The following ITPR1 variants were observed in gnomAD, a reference collection of about 807,000 sequenced individuals.
The protein encoded by ITPR1 is inositol 1,4,5-trisphosphate-gated calcium channel ITPR1.
ITPR1 carries 96 observed loss-of-function variants against 318.4 expected under a neutral mutation model. The observed-to-expected ratio is 0.30, with a 90% CI of 0.26 to 0.36. The LOEUF (loss-of-function observed/expected upper bound fraction) is 0.36, where lower values mean the gene tolerates loss of function less well. Ranked by LOEUF, ITPR1 falls within the 10% of genes least tolerant of loss-of-function variation. ITPR1 has a pLI of 1.00. For synonymous variants in ITPR1, 1,312 were observed against 1,289.9 expected (o/e 1.02, Z -0.37); for missense variants, 2,440 against 3,460.2 (o/e 0.71, Z 7.40).
intron 20 of ITPR1, 145 bp from the exon 21 acceptor site, chr3:4,672,991 A>G: frequency 1.3e-6 from 1 of 796,614 alleles, no homozygotes; most frequent in Non-Finnish European, 1.9e-6. Context: ...AAATCCTGGT[A>G]TACAAGAGCA....
intron 3 of ITPR1, among the ~76,000 whole-genome samples, chr3:4,520,552 T>C (rs1303637316): frequency 1.3e-5 from 2 of 152,202 alleles, no homozygotes; most frequent in African/African-American, 2.4e-5. Flanking sequence ...CGCTTCTGGC[T>C]GTATTTTTTT....
chr3:4,607,615 A>C (rs2091792216), intron 4 of ITPR1, among the ~76,000 whole-genome samples: 1 of 152,062 alleles, frequency 6.6e-6, no homozygotes, highest in African/African-American at 2.4e-5. Flanking sequence ...TTTGGGGGCA[A>C]GGGTTTTTTC....
chr3:4,804,091 C>T (rs1313035323), intron 54 of ITPR1, among the ~76,000 whole-genome samples: 1 of 152,154 alleles, frequency 6.6e-6, no homozygotes, highest in East Asian at 1.9e-4. Context: ...AGGCTGGTCG[C>T]GAACTCCTGA....
chr3:4,502,476 C>G (rs1422577864), intron 2 of ITPR1, among the ~76,000 whole-genome samples: 1 of 150,596 alleles, frequency 6.6e-6, no homozygotes, highest in African/African-American at 2.5e-5. Context: ...GAATCTCGCT[C>G]TGTCACCAGG....
intron 4 of ITPR1, among the ~76,000 whole-genome samples, chr3:4,579,513 G>A (rs2089066224): frequency 6.6e-6 from 1 of 152,172 alleles, no homozygotes; most frequent in African/African-American, 2.4e-5. Context: ...TTTTCTACCT[G>A]CAGGTTAAAT....
At chr3:4,707,520 T>A (rs1457368372) in intron 37 of ITPR1, among the ~76,000 whole-genome samples, 1 of 152,220 alleles carries the variant, frequency 6.6e-6, no homozygotes, top group Non-Finnish European at 1.5e-5. Context: ...TGACCTAGTT[T>A]CAGAAGTCAC....
chr3:4,641,508 C>T (rs183750372), intron 6 of ITPR1, among the ~76,000 whole-genome samples: 1 of 152,262 alleles, frequency 6.6e-6, no homozygotes, highest in Admixed American at 6.5e-5. Flanking sequence ...TCCTGAGTAG[C>T]AGGGACTCCA....
rs1559719125 is a variant in ITPR1, at chr3:4,697,317, T to TGTGC, written c.4407+48_4407+49insCGTG. ...GGAGGCAGAGTTGGAGAGTGAGAGG[T>TGTGC]GTGTGTGTGTGTGTGTGTGTGTGTG... On this transcript the variant is annotated intron_variant, in intron 34 of 61. Coordinates refer to ENST00000649015, the MANE Select transcript of ITPR1 (RefSeq NM_001378452.1). 3.4e-6 allele frequency: 3 copies of TGTGC among 881,346 alleles called. No individual in the cohort carries two copies. The Admixed American group carries it at 9.2e-5, about 27-fold the overall frequency. 54.6% of individuals were successfully genotyped at this position (881,346 alleles called of 1,614,324 possible). A position where few individuals can be genotyped will look rare whatever the true frequency, so the allele number is the denominator to read the frequency against.
chr3:4,769,996 T>C (rs990284494), intron 46 of ITPR1, among the ~76,000 whole-genome samples: 2 of 152,212 alleles, frequency 1.3e-5, no homozygotes, highest in Admixed American at 6.5e-5. Flanking sequence ...ACCCCCTTTT[T>C]GCCTGAATGG....
chr3:4,656,365 G>C (rs1314805834), intron 12 of ITPR1, among the ~76,000 whole-genome samples: 1 of 152,216 alleles, frequency 6.6e-6, no homozygotes, highest in African/African-American at 2.4e-5. Context: ...GGCATGTGGA[G>C]TAATATGCCA....
intron 34 of ITPR1, among the ~76,000 whole-genome samples, chr3:4,698,118 C>T (rs1236083323): frequency 1.3e-5 from 2 of 151,968 alleles, no homozygotes; most frequent in East Asian, 3.9e-4. Context: ...AAGCATACCA[C>T]AGATTTAAAA....
chr3:4,834,224 C>T (rs1019252773), intron 60 of ITPR1, among the ~76,000 whole-genome samples: 2 of 152,160 alleles, frequency 1.3e-5, no homozygotes, highest in Non-Finnish European at 2.9e-5. Context: ...GGTCACTCTC[C>T]TTGACTAAAT....
At chr3:4,811,053 G>T (rs2048910955) in intron 55 of ITPR1, among the ~76,000 whole-genome samples, 1 of 152,142 alleles carries the variant, frequency 6.6e-6, no homozygotes, top group African/African-American at 2.4e-5. Flanking sequence ...AGTTGCTATT[G>T]TTTCCTGCTT....
chr3:4,678,964 A>G (rs1298366921), intron 24 of ITPR1, among the ~76,000 whole-genome samples: 1 of 152,190 alleles, frequency 6.6e-6, no homozygotes, highest in African/African-American at 2.4e-5. Context: ...AGCCTTTGAA[A>G]GTCTTCAAGC....
chr3:4,759,732 G>A (rs1437319430), intron 44 of ITPR1, among the ~76,000 whole-genome samples: 4 of 152,220 alleles, frequency 2.6e-5, no homozygotes, highest in African/African-American at 9.6e-5. Context: ...CCGGAGAGGA[G>A]CACGTTACCC....
intron 6 of ITPR1, among the ~76,000 whole-genome samples, chr3:4,639,994 T>C (rs1301701227): frequency 6.6e-6 from 1 of 152,216 alleles, no homozygotes; most frequent in African/African-American, 2.4e-5. Context: ...CCTTTGTGCC[T>C]TTAAATTTGC....
At chr3:4,538,447 G>C (rs1206688126) in intron 4 of ITPR1, among the ~76,000 whole-genome samples, 1 of 152,160 alleles carries the variant, frequency 6.6e-6, no homozygotes, top group Non-Finnish European at 1.5e-5. Context: ...CACTGTTGGT[G>C]GGAATGTAAA....
intron 10 of ITPR1, among the ~76,000 whole-genome samples, chr3:4,651,917 A>G (rs2093606499): frequency 6.6e-6 from 1 of 152,244 alleles, no homozygotes; most frequent in Non-Finnish European, 1.5e-5. Flanking sequence ...GTTAACTAGG[A>G]GACTCGATGC....
chr3:4,537,105 TTGTCC>T (rs1165774761), intron 4 of ITPR1, among the ~76,000 whole-genome samples: 1 of 152,222 alleles, frequency 6.6e-6, no homozygotes, highest in African/African-American at 2.4e-5. Context: ...CCTTGGTTTC[TTGTCC>T]TGTCCTCTTC....
Sources: allele counts gnomAD v4.1 joint callset (sites outside exome capture counted in the v4.1 genomes callset), GRCh38; gene constraint gnomAD v4.1.1; transcripts MANE v1.5; gene names NCBI Gene and HGNC (gene_info 2026-07-23, HGNC 2026-07-21).